The following PLEKHA5 variants were observed in gnomAD, a reference collection of about 807,000 sequenced individuals.
PLEKHA5 encodes the protein pleckstrin homology domain-containing family A member 5.
PLEKHA5 carries 55 observed loss-of-function variants against 181.9 expected under a neutral mutation model. That is an observed-to-expected ratio of 0.30 (90% confidence interval 0.24 to 0.38). PLEKHA5 has a LOEUF of 0.38. PLEKHA5 is among the 10% of genes least tolerant of loss of function. The pLI is 1.00. For synonymous variants in PLEKHA5, 535 were observed against 529.4 expected, an observed-to-expected ratio of 1.01 and a Z score of -0.15; for missense variants, 1,432 against 1,549.5, an observed-to-expected ratio of 0.92 and a Z score of 1.27.
chr12:19,218,138 G>C (rs1004934292), intron 3 of PLEKHA5, among the ~76,000 whole-genome samples: 1 of 152,030 alleles, frequency 6.6e-6, no homozygotes, highest in Non-Finnish European at 1.5e-5. Context: ...GGACTTGTTC[G>C]AAGCTTAAGA....
chr12:19,129,931 G>A, intron 1 of PLEKHA5, 43 bp downstream of exon 1: 4 of 1,546,514 alleles, frequency 2.6e-6, no homozygotes, highest in Middle Eastern at 1.8e-4. Flanking sequence ...GGGGCGGGAG[G>A]GCAGGAGGCG....
chr12:19,130,546 A>C lies in PLEKHA5; in HGVS notation c.169+416A>C. 1.4e-5 allele frequency among the ~76,000 whole-genome samples: 2 copies of C among 141,592 alleles called. No homozygotes were observed. The highest frequency in any genetic ancestry group is 3.1e-5 in the Non-Finnish European group (2 of 64,884). The allele number at this position is 141,592 out of a possible 152,430, so 92.9% of individuals were successfully genotyped here. On this transcript the variant is annotated intron_variant, in intron 2 of 31. Transcript: ENST00000429027. The surrounding 1 kb of genome is among the most constrained non-coding windows in gnomAD (Gnocchi z 4.5). ...AGCAATCTTCAGGCAGTCCTTACCC[A>C]CTCCCCTCCCTGCAGCCCCGGACCC...
intron 11 of PLEKHA5, among the ~76,000 whole-genome samples, chr12:19,278,553 CAG>C (rs1040476444): frequency 6.6e-5 from 10 of 152,088 alleles, no homozygotes; most frequent in African/African-American, 1.9e-4. Flanking sequence ...CAAGGTGTGT[CAG>C]AGTAAATTGC....
At chr12:19,222,497 A>G (rs975265459) in intron 3 of PLEKHA5, among the ~76,000 whole-genome samples, 2 of 152,130 alleles carry the variant, frequency 1.3e-5, no homozygotes, top group African/African-American at 2.4e-5. Context: ...TGTATACTCA[A>G]TGATTATTGA....
chr12:19,137,439 G>T (rs1391214756), intron 3 of PLEKHA5, among the ~76,000 whole-genome samples: 3 of 150,430 alleles, frequency 2.0e-5, no homozygotes, highest in African/African-American at 7.5e-5. Flanking sequence ...TTTATAACAA[G>T]AGTTTTGGAC....
At chr12:19,304,768 T>C (rs887335644) in intron 15 of PLEKHA5, among the ~76,000 whole-genome samples, 1 of 150,650 alleles carries the variant, frequency 6.6e-6, no homozygotes. Flanking sequence ...TTTTTTTTTT[T>C]CTTTTGCCAG....
At chr12:19,254,660 A>AC (rs2066353371) in intron 4 of PLEKHA5, among the ~76,000 whole-genome samples, 1 of 151,074 alleles carries the variant, frequency 6.6e-6, no homozygotes, top group South Asian at 2.1e-4. Context: ...GACTGTACTA[A>AC]AAAAATAGAA....
chr12:19,237,803 A>G (rs191492157), intron 3 of PLEKHA5, among the ~76,000 whole-genome samples: 4 of 152,090 alleles, frequency 2.6e-5, no homozygotes, highest in Admixed American at 2.0e-4. Context: ...TTTGAATTGT[A>G]CTATGTAAAT....
chr12:19,374,198 G>T (rs899642076), intron 31 of PLEKHA5, among the ~76,000 whole-genome samples: 4 of 150,608 alleles, frequency 2.7e-5, no homozygotes, highest in Non-Finnish European at 5.9e-5. Context: ...GCAAATGTTT[G>T]CTCATTTTGT....
intron 3 of PLEKHA5, among the ~76,000 whole-genome samples, chr12:19,194,643 G>A (rs565515642): frequency 6.6e-6 from 1 of 152,154 alleles, no homozygotes. Context: ...ACTGCAGAAT[G>A]ACTTCAAGGG....
chr12:19,373,869 A>G (rs555179163), intron 31 of PLEKHA5, among the ~76,000 whole-genome samples: 1 of 152,340 alleles, frequency 6.6e-6, no homozygotes, highest in Admixed American at 6.5e-5. Flanking sequence ...CCTTCCAATA[A>G]TAAAGGATAT....
At chr12:19,360,712 C>T (rs773521274) in intron 28 of PLEKHA5, among the ~76,000 whole-genome samples, 2 of 152,076 alleles carry the variant, frequency 1.3e-5, no homozygotes, top group Non-Finnish European at 2.9e-5. Flanking sequence ...TCATTAATCC[C>T]GGTTAAGGAA....
chr12:19,176,358 T>C (rs1253404777), intron 3 of PLEKHA5: 1 of 151,844 alleles, frequency 6.6e-6, no homozygotes, highest in Non-Finnish European at 1.5e-5. Flanking sequence ...CCTCTAGTGA[T>C]CAGATCAGCA....
intron 3 of PLEKHA5, among the ~76,000 whole-genome samples, chr12:19,160,480 C>T (rs181620760): frequency 2.0e-5 from 3 of 152,148 alleles, no homozygotes; most frequent in African/African-American, 7.2e-5. Flanking sequence ...TGTTGGGAAA[C>T]GTAGAATATC....
chr12:19,143,176 A>C (rs879273145), intron 3 of PLEKHA5, among the ~76,000 whole-genome samples: 7 of 152,130 alleles, frequency 4.6e-5, no homozygotes, highest in Admixed American at 4.6e-4. Context: ...TGGTAGTTCT[A>C]TTTTTAATTT....
intron 7 of PLEKHA5, among the ~76,000 whole-genome samples, chr12:19,261,463 A>G (rs1037519985): frequency 2.0e-5 from 3 of 152,176 alleles, no homozygotes; most frequent in Non-Finnish European, 4.4e-5. Flanking sequence ...TTCATTTTGA[A>G]CTTTTTTTTT....
At chr12:19,362,016 AT>A (rs2095258602) in intron 29 of PLEKHA5, among the ~76,000 whole-genome samples, 1 of 151,608 alleles carries the variant, frequency 6.6e-6, no homozygotes, top group African/African-American at 2.4e-5. Flanking sequence ...GAAAAAAAAA[AT>A]TAGCCAGGCA....
Position 19,269,955 on chromosome 12 carries a change from CT to C in PLEKHA5, c.827+71del, listed in dbSNP as rs2072063044. The C allele has an allele frequency of 1.5e-5, 13 of 841,206 alleles. No individual in the cohort carries two copies. The South Asian group carries it at 1.9e-4, about 12-fold the overall frequency. The allele number at this position is 841,206 out of a possible 1,614,324, so 52.1% of individuals were successfully genotyped here. ...TATTCCATGCCTTGCAAGTATTTCA[CT>C]GTCATAGTACATATCATTTTAATAG... On this transcript the variant is annotated intron_variant, in intron 9 of 31. Coordinates refer to ENST00000429027, the MANE Select transcript of PLEKHA5 (RefSeq NM_001256470.2).
intron 13 of PLEKHA5, among the ~76,000 whole-genome samples, chr12:19,288,691 A>G (rs1414832198): frequency 6.6e-6 from 1 of 152,228 alleles, no homozygotes; most frequent in East Asian, 1.9e-4. Flanking sequence ...GCCAAAGATT[A>G]TTTGATTAAG....
Sources: allele counts gnomAD v4.1 joint callset (sites outside exome capture counted in the v4.1 genomes callset), GRCh38; gene constraint gnomAD v4.1.1; non-coding constraint Gnocchi (gnomAD v3.1); transcripts MANE v1.5; gene names NCBI Gene and HGNC (gene_info 2026-07-23, HGNC 2026-07-21).